Variants in AGPAT4 observed in about 807,000 individuals in gnomAD.
AGPAT4 encodes 1-acyl-sn-glycerol-3-phosphate acyltransferase delta.
Under a neutral mutation model 48.0 loss-of-function variants are expected in AGPAT4, and 15 were observed. The ratio of observed to expected loss-of-function variants is 0.31; its 90% CI spans 0.21 to 0.48. The LOEUF is 0.48. AGPAT4 is among the 20% of genes least tolerant of loss of function. The probability of loss-of-function intolerance (pLI) is 0.99; values close to 1 mark genes in which losing one functional copy is unlikely to be tolerated. For synonymous variants in AGPAT4, 178 were observed against 198.7 expected, an observed-to-expected ratio of 0.90 and a Z score of 0.88; for missense variants, 314 against 482.5, an observed-to-expected ratio of 0.65 and a Z score of 3.27.
rs1255409090 is a variant in AGPAT4 at position 161,232,389 on chromosome 6, C to G, written c.-89-87G>C. ...AAAGTGCTCTGAAAAGAAAAATATA[C>G]ACTTGAGGTTAAACTCATGTGCGTT... is the stretch of plus-strand genomic sequence containing the variant. On this transcript the variant is annotated intron_variant, in intron 1 of 8. Coordinates refer to ENST00000320285, the MANE Select transcript of AGPAT4 (RefSeq NM_020133.3). The surrounding 1 kb of genome is among the most constrained non-coding windows in gnomAD (Gnocchi z 6.8). 2 of 607,014 alleles carry G rather than the reference C, an allele frequency of 3.3e-6. No individual in the cohort carries two copies. Among genetic ancestry groups the G allele is most frequent in the Non-Finnish European group, 2.8e-6 (1 of 351,770 alleles). The allele number at this position is 607,014 out of a possible 1,614,324, so 37.6% of individuals were successfully genotyped here. A position where few individuals can be genotyped will look rare whatever the true frequency, so the allele number is the denominator to read the frequency against.
At position 161,184,494 on chromosome 6, in the gene AGPAT4, T is replaced by A. The variant is rs923333052; in HGVS notation, c.179-18077A>T. Among the ~76,000 whole-genome samples, 5 of 151,892 alleles carry A rather than the reference T, an allele frequency of 3.3e-5. No homozygotes were observed. Among genetic ancestry groups the A allele is most frequent in the African/African-American group, 1.2e-4 (5 of 41,316 alleles). ...AGTCTGGCATTTGGGTTTGAACACA[T>A]CAGTCATCCTTGGCTTAGTGGTAGG... On this transcript the variant is annotated intron_variant, in intron 2 of 8. Coordinates refer to ENST00000320285, the MANE Select transcript of AGPAT4 (RefSeq NM_020133.3). This position sits in a 1 kb window ranked among gnomAD's most constrained non-coding sequence, Gnocchi z 4.8.
rs373587636 is a variant in AGPAT4, at chr6:161,139,560, G to A, written c.904C>T (p.Pro302Ser). 2.5e-6 allele frequency: 4 copies of A among 1,613,938 alleles called. No homozygotes were observed. The highest frequency in any genetic ancestry group is 3.3e-5 in the Admixed American group (2 of 60,022). Reference protein sequence around the residue: ...GTFPETPMVPPRRPWTLVNWL... With the variant: ...GTFPETPMVPSRRPWTLVNWL... ...TTCACGAGGGTCCAGGGCCGCCGGG[G>A]GGGCACCATGGGCGTCTCTGGGAAG... Residue 302 changes from proline to serine, a missense_variant, in exon 8 of 9, where the codon CCC becomes TCC. Physicochemically the swap from Pro to Ser is moderately conservative, Grantham distance 74. Coordinates refer to ENST00000320285, the MANE Select transcript of AGPAT4 (RefSeq NM_020133.3). The surrounding 1 kb of genome is among the most constrained non-coding windows in gnomAD (Gnocchi z 9.1).
At position 161,219,822 on chromosome 6, in the gene AGPAT4, C is replaced by CAGAG. The variant is rs1554236531; in HGVS notation, c.178+12210_178+12213dup. Among the ~76,000 whole-genome samples the CAGAG allele has an allele frequency of 1.9e-5, 2 of 106,212 alleles. No homozygotes were observed. Among genetic ancestry groups the CAGAG allele is most frequent in the African/African-American group, 8.3e-5 (2 of 23,986 alleles). 69.7% of individuals were successfully genotyped at this position (106,212 alleles called of 152,430 possible). On this transcript the variant is annotated intron_variant, in intron 2 of 8. Transcript: ENST00000320285. The surrounding 1 kb of genome is among the most constrained non-coding windows in gnomAD (Gnocchi z 4.9). Reference sequence around the variant, plus strand: ...ACAGATTCACAGTAAAAAAGATAGACAGAGATAGATAGATAGATAGATAGA... The same window carrying CAGAG: ...ACAGATTCACAGTAAAAAAGATAGACAGAGAGAGATAGATAGATAGATAGATAGA...
chr6:161,151,148 C>T lies in AGPAT4; in HGVS notation c.665-1859G>A, dbSNP rs772557887. Among the ~76,000 whole-genome samples, 12 of 152,368 alleles carry T rather than the reference C, an allele frequency of 7.9e-5. 1 individual carries two copies. Among genetic ancestry groups the T allele is most frequent in the Middle Eastern group, 6.8e-3 (2 of 294 alleles). On this transcript the variant is annotated intron_variant, in intron 5 of 8. Transcript: ENST00000320285. ...AGTGAGAGCAGCCGCTGCCAGCCCC[C>T]GCCAGCCAGGAGCAAATCCCAGCTC...
chr6:161,193,984 T>C (rs1412003079), intron 2 of AGPAT4, among the ~76,000 whole-genome samples: 2 of 152,226 alleles, frequency 1.3e-5, no homozygotes, highest in African/African-American at 4.8e-5. Context: ...ATAATTTTCC[T>C]GTATGTAAAA....
At chr6:161,257,105 A>G (rs1782964533) in intron 1 of AGPAT4, among the ~76,000 whole-genome samples, 1 of 152,224 alleles carries the variant, frequency 6.6e-6, no homozygotes, top group Non-Finnish European at 1.5e-5. Context: ...TGAAAACAGC[A>G]CTTGTTTCTA....
intron 2 of AGPAT4, among the ~76,000 whole-genome samples, chr6:161,170,454 C>T (rs563382324): frequency 9.4e-5 from 13 of 139,020 alleles, no homozygotes; most frequent in Non-Finnish European, 1.4e-4. Flanking sequence ...TACACATGCG[C>T]GTGCACACGT....
At chr6:161,210,673 T>C (rs1222281968) in intron 2 of AGPAT4, among the ~76,000 whole-genome samples, 2 of 152,206 alleles carry the variant, frequency 1.3e-5, no homozygotes, top group Non-Finnish European at 2.9e-5. Context: ...GGTAAAGTAG[T>C]ATTAGAAATG....
chr6:161,175,894 A>G (rs1325729691), intron 2 of AGPAT4, among the ~76,000 whole-genome samples: 1 of 152,120 alleles, frequency 6.6e-6, no homozygotes, highest in Non-Finnish European at 1.5e-5. Flanking sequence ...TTTGTTATGT[A>G]CCCAGTAGTC....
chr6:161,268,404 C>T (rs557865076), intron 1 of AGPAT4, among the ~76,000 whole-genome samples: 8 of 152,272 alleles, frequency 5.3e-5, no homozygotes, highest in South Asian at 4.1e-4. Flanking sequence ...CATAGGTATG[C>T]GTGTGCCATG....
intron 1 of AGPAT4, among the ~76,000 whole-genome samples, chr6:161,273,291 C>T (rs1190172924): frequency 6.6e-6 from 1 of 152,104 alleles, no homozygotes; most frequent in Non-Finnish European, 1.5e-5. Context: ...ATTACCAATG[C>T]CTGTTTCCTT....
At chr6:161,181,191 A>C (rs1433715885) in intron 2 of AGPAT4, among the ~76,000 whole-genome samples, 1 of 152,202 alleles carries the variant, frequency 6.6e-6, no homozygotes, top group Non-Finnish European at 1.5e-5. Context: ...AGTGGGCCCC[A>C]GCAACGCTGT....
chr6:161,239,777 A>C (rs562800531), intron 1 of AGPAT4, among the ~76,000 whole-genome samples: 116 of 152,322 alleles, frequency 7.6e-4, no homozygotes, highest in African/African-American at 2.5e-3. Context: ...TCCATTCTAC[A>C]GAGATGAGGT....
chr6:161,203,079 C>T (rs528168143), intron 2 of AGPAT4, among the ~76,000 whole-genome samples: 17 of 152,300 alleles, frequency 1.1e-4, no homozygotes, highest in South Asian at 6.2e-4. Flanking sequence ...CCTGACCCAA[C>T]GAATCCATGG....
chr6:161,260,682 A>AAAAAAAAAT (rs1783076063), intron 1 of AGPAT4, among the ~76,000 whole-genome samples: 1 of 139,656 alleles, frequency 7.2e-6, no homozygotes, highest in Non-Finnish European at 1.5e-5. Flanking sequence ...AAAAAAAAAA[A>AAAAAAAAAT]CAGGATTCAG....
rs1254543316 is a variant in AGPAT4, at chr6:161,219,944, AGG to A, written c.178+12090_178+12091del. 6.0e-4 allele frequency among the ~76,000 whole-genome samples: 90 copies of A among 149,698 alleles called. 1 individual carries two copies. The highest frequency in any genetic ancestry group is 2.5e-3 in the South Asian group (12 of 4,756). On this transcript the variant is annotated intron_variant, in intron 2 of 8. Coordinates refer to ENST00000320285, the MANE Select transcript of AGPAT4 (RefSeq NM_020133.3). The surrounding 1 kb of genome is among the most constrained non-coding windows in gnomAD (Gnocchi z 4.9). The stretch of plus-strand genomic sequence containing the variant: ...CAGGCAGGCAGGCAGGCAGGCAGGC[AGG>A]CAGACAGACAGACAGACAGACAGGC...
chr6:161,154,377 G>A lies in AGPAT4; in HGVS notation c.349-67C>T. The A allele has an allele frequency of 1.3e-6, 2 of 1,588,066 alleles. No homozygotes were observed. The highest frequency in any genetic ancestry group is 8.6e-7 in the Non-Finnish European group (1 of 1,163,338). Reference sequence around the variant, plus strand: ...TCAGAGCCACCTGCCGGGGCTGTTGGAGACTGAAGTAGAAAAAGAGGAGGG... The same window carrying A: ...TCAGAGCCACCTGCCGGGGCTGTTGAAGACTGAAGTAGAAAAAGAGGAGGG... On this transcript the variant is annotated intron_variant, in intron 3 of 8. Coordinates refer to ENST00000320285, the MANE Select transcript of AGPAT4 (RefSeq NM_020133.3). The surrounding 1 kb of genome is among the most constrained non-coding windows in gnomAD (Gnocchi z 7.8).
In AGPAT4 at chr6:161,240,207, G is replaced by A. The variant is rs142030947; in HGVS notation, c.-89-7905C>T. 9.9e-4 allele frequency among the ~76,000 whole-genome samples: 144 copies of A among 144,804 alleles called. No individual in the cohort carries two copies. The highest frequency in any genetic ancestry group is 3.2e-3 in the African/African-American group (125 of 38,962). 95.0% of individuals were successfully genotyped at this position (144,804 alleles called of 152,430 possible). A position where few individuals can be genotyped will look rare whatever the true frequency, so the allele number is the denominator to read the frequency against. On this transcript the variant is annotated intron_variant, in intron 1 of 8. Coordinates refer to ENST00000320285, the MANE Select transcript of AGPAT4 (RefSeq NM_020133.3). This position sits in a 1 kb window ranked among gnomAD's most constrained non-coding sequence, Gnocchi z 5.5. ...AAGCCTTACCAAAACACTAACAGCA[G>A]ATATCTTTGTGTATACACACACACA...
At position 161,206,215 on chromosome 6, in the gene AGPAT4, C is replaced by T. The variant is rs1781375574; in HGVS notation, c.178+25821G>A. Reference sequence around the variant, plus strand: ...AAAACTGTGGCCCTACCCCAACCCCCCATCAGCAAAGGTTGGGGTGGGGGG... The same window carrying T: ...AAAACTGTGGCCCTACCCCAACCCCTCATCAGCAAAGGTTGGGGTGGGGGG... On this transcript the variant is annotated intron_variant, in intron 2 of 8. Coordinates refer to ENST00000320285, the MANE Select transcript of AGPAT4 (RefSeq NM_020133.3). This position sits in a 1 kb window ranked among gnomAD's most constrained non-coding sequence, Gnocchi z 4.8. Among the ~76,000 whole-genome samples, 1 of 152,186 alleles carries T rather than the reference C, an allele frequency of 6.6e-6. No homozygotes were observed. The highest frequency in any genetic ancestry group is 2.4e-5 in the African/African-American group (1 of 41,466).
Sources: gnomAD v4.1 joint callset for allele counts (sites outside exome capture counted in the v4.1 genomes callset) on GRCh38, gnomAD v4.1.1 for gene constraint, Gnocchi (gnomAD v3.1) non-coding constraint, MANE v1.5 for transcripts, NCBI Gene and HGNC (gene_info 2026-07-23, HGNC 2026-07-21) for gene names.